Variants in PXDN observed in about 807,000 individuals in gnomAD.
PXDN encodes the protein peroxidasin homolog.
In PXDN, 77 loss-of-function variants were observed where a neutral mutation model predicts 140.3. The ratio of observed to expected loss-of-function variants is 0.55; its 90% CI spans 0.46 to 0.66. The LOEUF (loss-of-function observed/expected upper bound fraction) is 0.66, where lower values mean the gene tolerates loss of function less well. Among genes scored for constraint, PXDN ranks in the 30% least tolerant of loss-of-function variants. The probability of loss-of-function intolerance (pLI) is 0.00; values close to 1 mark genes in which losing one functional copy is unlikely to be tolerated. For synonymous variants in PXDN, 911 were observed against 857.4 expected (o/e 1.06, Z -1.09); for missense variants, 1,838 against 2,039.5 (o/e 0.90, Z 1.90).
rs1165077818 is a variant in PXDN at position 1,687,345 on chromosome 2, A to T, written c.416+287T>A. On this transcript the variant is annotated intron_variant, in intron 4 of 22. Coordinates refer to ENST00000252804, the MANE Select transcript of PXDN (RefSeq NM_012293.3). This position sits in a 1 kb window ranked among gnomAD's most constrained non-coding sequence, Gnocchi z 4.0. ...AAGTTGTGACAGGGATTCCATCGATATTACTGTCCTTGGTGTCAGGAAAGC... is the reference window on the plus strand; with the variant it reads ...AAGTTGTGACAGGGATTCCATCGATTTTACTGTCCTTGGTGTCAGGAAAGC... 6.6e-6 allele frequency among the ~76,000 whole-genome samples: 1 copy of T among 151,706 alleles called. No homozygotes were observed. The highest frequency in any genetic ancestry group is 2.4e-5 in the African/African-American group (1 of 41,232).
chr2:1,690,648 CAAAAAAA>C (rs35970382), intron 3 of PXDN, among the ~76,000 whole-genome samples: 31 of 68,654 alleles, frequency 4.5e-4, no homozygotes, highest in Non-Finnish European at 6.6e-4. Context: ...TTCAAAATAC[CAAAAAAA>C]AAAAAAAAAA....
chr2:1,744,663 C>A (rs1241639946), upstream of PXDN: 5 of 377,438 alleles, frequency 1.3e-5, no homozygotes, highest in Non-Finnish European at 2.2e-5. Context: ...GGCCTGAGCG[C>A]CCTCATCCCG....
chr2:1,705,389 A>G (rs890745637), intron 1 of PXDN, among the ~76,000 whole-genome samples: 2 of 151,344 alleles, frequency 1.3e-5, no homozygotes, highest in Admixed American at 6.6e-5. Flanking sequence ...TGCAGGGTGC[A>G]GGGTGCAGCT....
chr2:1,693,187 G>A (rs1205268150), intron 1 of PXDN, 53 bp from the exon 2 acceptor site: 20 of 1,386,110 alleles, frequency 1.4e-5, no homozygotes, highest in Non-Finnish European at 1.6e-5. Context: ...TACAAACATC[G>A]CTACACATTT....
intron 1 of PXDN, among the ~76,000 whole-genome samples, chr2:1,740,747 C>T (rs147434501): frequency 6.6e-5 from 10 of 152,312 alleles, no homozygotes; most frequent in Middle Eastern, 3.4e-3. Flanking sequence ...GGCAAGATTC[C>T]GGTCTCGTTT....
chr2:1,662,273 C>A, intron 12 of PXDN, 89 bp from the exon 13 acceptor site: 2 of 1,111,296 alleles, frequency 1.8e-6, no homozygotes, highest in Non-Finnish European at 2.7e-6. Flanking sequence ...TCCATCAGGC[C>A]CACTCAGGGA....
At chr2:1,636,700 A>AAAC (rs1428867744) in intron 21 of PXDN, 1 of 151,706 alleles carries the variant, frequency 6.6e-6, no homozygotes, top group Non-Finnish European at 1.5e-5. Context: ...GGGGGAAAAA[A>AAAC]AAAAAAAAAG....
At chr2:1,718,662 C>CACACGGGGTGACACAGAGCAGCAA (rs1684947276) in intron 1 of PXDN, among the ~76,000 whole-genome samples, 1 of 152,260 alleles carries the variant, frequency 6.6e-6, no homozygotes, top group African/African-American at 2.4e-5. Context: ...CAGGGCAGCA[C>CACACGGGGTGACACAGAGCAGCAA]ACACGGGGTG....
At chr2:1,656,401 G>A (rs961416831) in intron 14 of PXDN, among the ~76,000 whole-genome samples, 2 of 152,106 alleles carry the variant, frequency 1.3e-5, no homozygotes, top group South Asian at 2.1e-4. Context: ...TTCAACATAC[G>A]CAATCTTTTG....
chr2:1,711,516 C>T (rs1362277429), intron 1 of PXDN, among the ~76,000 whole-genome samples: 5 of 139,994 alleles, frequency 3.6e-5, no homozygotes, highest in Non-Finnish European at 6.1e-5. Flanking sequence ...TCCACCAGCA[C>T]CCACTCCACC....
chr2:1,699,442 C>G (rs1396202363), intron 1 of PXDN, among the ~76,000 whole-genome samples: 1 of 152,188 alleles, frequency 6.6e-6, no homozygotes, highest in African/African-American at 2.4e-5. Context: ...GGCACAGTGG[C>G]TCATGCCTGT....
chr2:1,738,419 C>T (rs890674960), intron 1 of PXDN, among the ~76,000 whole-genome samples: 17 of 152,154 alleles, frequency 1.1e-4, no homozygotes, highest in African/African-American at 4.1e-4. Context: ...CCGGGCAGGA[C>T]TGCATGCATT....
chr2:1,648,792 G>C lies in PXDN; in HGVS notation c.2988C>G (p.Asn996Lys). 1 of 1,603,674 alleles carries C rather than the reference G, an allele frequency of 6.2e-7. No homozygotes were observed. The highest frequency in any genetic ancestry group is 8.5e-7 in the Non-Finnish European group (1 of 1,176,142). The stretch of plus-strand genomic sequence containing the variant: ...GCTTGAGCAGCTCCGTGGCAATGCG[G>C]TTGTGCTCGCGGAACCACAGCGTGT... ...SMHTLWFREH[N>K]RIATELLKLN... The change falls in exon 17 of 23, where the codon AAC becomes AAG. Residue 996 changes from asparagine (N) to lysine (K), a missense_variant. Physicochemically the swap from Asn to Lys is moderately conservative, Grantham distance 94. Around this residue, in one of 5 missense-constraint regions of PXDN, gnomAD observed 850 missense variants for 894.1 expected, o/e 0.95. Coordinates refer to ENST00000252804, the MANE Select transcript of PXDN (RefSeq NM_012293.3). The surrounding 1 kb of genome is among the most constrained non-coding windows in gnomAD (Gnocchi z 8.9).
rs772922685 is a variant in PXDN, at chr2:1,649,396, G to C, written c.2384C>G (p.Pro795Arg). ...GATCAGGGTGGTGGACACCAGGCGC[G>C]GCATGGGAAGGGCGTGCCCGTTGTA... Reference protein sequence around the residue: ...RLYNGHALPMPRLVSTTLIGT... With the variant: ...RLYNGHALPMRRLVSTTLIGT... The change falls in exon 17 of 23, where the codon CCG becomes CGG. Residue 795 changes from proline (P) to arginine (R), a missense_variant. Around this residue, in one of 5 missense-constraint regions of PXDN, gnomAD observed 537 missense variants for 583.9 expected, o/e 0.92. Transcript: ENST00000252804. The surrounding 1 kb of genome is among the most constrained non-coding windows in gnomAD (Gnocchi z 7.1). The C allele has an allele frequency of 5.6e-6, 9 of 1,613,830 alleles. No homozygotes were observed.
Position 1,704,388 on chromosome 2 carries a change from AG to A in PXDN, c.201-11255del, listed in dbSNP as rs568889797. Among the ~76,000 whole-genome samples, 64 of 23,262 alleles carry A rather than the reference AG, an allele frequency of 2.8e-3. 1 individual carries two copies. Among genetic ancestry groups the A allele is most frequent in the East Asian group, 6.9e-3 (3 of 432 alleles). The allele number at this position is 23,262 out of a possible 152,430, so 15.3% of individuals were successfully genotyped here. On this transcript the variant is annotated intron_variant, in intron 1 of 22. Coordinates refer to ENST00000252804, the MANE Select transcript of PXDN (RefSeq NM_012293.3). ...GTGAAGGGGGGGCAACTCCAGGTGA[AG>A]GGGGGGGCAACTCCAGGTGAAGGAG...
intron 14 of PXDN, among the ~76,000 whole-genome samples, chr2:1,658,883 G>A (rs1683237649): frequency 6.6e-6 from 1 of 151,432 alleles, no homozygotes; most frequent in South Asian, 2.1e-4. Flanking sequence ...GGCGAGTGCT[G>A]ACCACCTCTG....
At chr2:1,637,561 A>G (rs1682596006) in intron 21 of PXDN, among the ~76,000 whole-genome samples, 1 of 150,364 alleles carries the variant, frequency 6.7e-6, no homozygotes, top group Non-Finnish European at 1.5e-5. Flanking sequence ...CCACTCTGAC[A>G]GCTGCCAGGC....
In PXDN at chr2:1,687,680, T is replaced by A; in HGVS notation, c.368A>T (p.Gln123Leu). The part of the protein sequence containing the change: ...KYLYLYKNEI[Q>L]SIDRQAFKGL... ...CTTAAATGCTTGCCTGTCAATTGAC[T>A]GGATCTCATTCTTGTACAGATAGCT... The change falls in exon 4 of 23, where the codon CAG becomes CTG. Residue 123 changes from glutamine to leucine, a missense_variant. Physicochemically the swap from Gln to Leu is moderately radical, Grantham distance 113. This residue lies in a region of PXDN where 231 missense variants were observed against 201.5 expected (regional missense o/e 1.15). Transcript: ENST00000252804. The surrounding 1 kb of genome is among the most constrained non-coding windows in gnomAD (Gnocchi z 4.0). 6.5e-7 allele frequency: 1 copy of A among 1,531,110 alleles called. No individual in the cohort carries two copies. The highest frequency in any genetic ancestry group is 9.0e-7 in the Non-Finnish European group (1 of 1,108,240). The allele number at this position is 1,531,110 out of a possible 1,614,324, so 94.8% of individuals were successfully genotyped here. A position where few individuals can be genotyped will look rare whatever the true frequency, so the allele number is the denominator to read the frequency against.
intron 1 of PXDN, among the ~76,000 whole-genome samples, chr2:1,699,299 T>G (rs1176849689): frequency 1.3e-5 from 2 of 152,238 alleles, no homozygotes; most frequent in Non-Finnish European, 1.5e-5. Context: ...CACTAAAGAT[T>G]ATGTTATAAA....
Sources: allele counts gnomAD v4.1 joint callset (sites outside exome capture counted in the v4.1 genomes callset), GRCh38; gene constraint gnomAD v4.1.1; regional missense constraint gnomAD v4.1.1; non-coding constraint Gnocchi (gnomAD v3.1); transcripts MANE v1.5; gene names NCBI Gene and HGNC (gene_info 2026-07-23, HGNC 2026-07-21).